Variants in CD72 observed in about 807,000 individuals in gnomAD.
CD72 encodes the protein CD72 molecule.
A neutral mutation model predicts 50.7 loss-of-function variants in CD72; 28 were observed. The ratio of observed to expected loss-of-function variants is 0.55; its 90% CI spans 0.41 to 0.76. The LOEUF (loss-of-function observed/expected upper bound fraction) is 0.76, where lower values mean the gene tolerates loss of function less well. Among genes scored for constraint, CD72 ranks in the 30% least tolerant of loss-of-function variants. The pLI, the probability that CD72 is intolerant of heterozygous loss-of-function variation, is 0.00. For synonymous variants in CD72, 176 were observed against 171.2 expected (o/e 1.03, Z -0.22); for missense variants, 403 against 420.6 (o/e 0.96, Z 0.37).
At chr9:35,617,883 AT>A in intron 2 of CD72, 130 bp downstream of exon 2, 3 of 714,232 alleles carry the variant, frequency 4.2e-6, no homozygotes, top group Non-Finnish European at 7.7e-6. Context: ...GTGAGCCATG[AT>A]CACACCACTG....
intron 1 of CD72, among the ~76,000 whole-genome samples, chr9:35,630,036 C>CTTTTTTTTT (rs35481553): frequency 0.021 from 2,657 of 128,478 alleles, 35 homozygotes; most frequent in Non-Finnish European, 0.027. Context: ...AATTTCTTTT[C>CTTTTTTTTT]TTTTTTTTTT....
In CD72 at chr9:35,618,381, T is replaced by C; in HGVS notation, c.-78A>G. ...CTTGCCCCTCTCGTCTCTGTCCGTT[T>C]ACAACTAGGCTCTGTGTTCCCTCTG... On this transcript the variant is annotated 5_prime_UTR_variant, in exon 1 of 9. Coordinates refer to ENST00000259633, the MANE Select transcript of CD72 (RefSeq NM_001782.3). The C allele has an allele frequency of 6.3e-7, 1 of 1,597,044 alleles. No homozygotes were observed. The highest frequency in any genetic ancestry group is 8.5e-7 in the Non-Finnish European group (1 of 1,171,668).
intron 6 of CD72, among the ~76,000 whole-genome samples, chr9:35,612,234 G>C (rs563034681): frequency 6.6e-6 from 1 of 152,304 alleles, no homozygotes; most frequent in Admixed American, 6.5e-5. Flanking sequence ...GGCCACAAGA[G>C]TCCAGGAACC....
Position 35,617,285 on chromosome 9 carries a change from C to A in CD72, c.191-38G>T, listed in dbSNP as rs200350008. Reference sequence around the variant, plus strand: ...GCATCCAGTGTGAGACCGGAAGCCCCGAGTGTTGCCCCTTCTCCTCCTGCG... The same window carrying A: ...GCATCCAGTGTGAGACCGGAAGCCCAGAGTGTTGCCCCTTCTCCTCCTGCG... On this transcript the variant is annotated intron_variant, in intron 2 of 8. Coordinates refer to ENST00000259633, the MANE Select transcript of CD72 (RefSeq NM_001782.3). 2.0e-3 allele frequency: 3,077 copies of A among 1,518,954 alleles called. 9 individuals are homozygous for A. Among genetic ancestry groups the A allele is most frequent in the African/African-American group, 5.4e-3 (390 of 72,358 alleles). 94.1% of individuals were successfully genotyped at this position (1,518,954 alleles called of 1,614,324 possible).
chr9:35,612,311 G>A (rs568022505), intron 6 of CD72, among the ~76,000 whole-genome samples: 24 of 152,278 alleles, frequency 1.6e-4, no homozygotes, highest in South Asian at 8.3e-4. Context: ...GAGGCCGGGC[G>A]CAGTGGTTCA....
At chr9:35,618,696 G>A, upstream of CD72, 1 of 1,032,112 alleles carries the variant, frequency 9.7e-7, no homozygotes, top group Non-Finnish European at 1.3e-6. Context: ...CCTCCTGGCT[G>A]CCTTGTCCAC....
In CD72 at chr9:35,616,583, G is replaced by T. The variant is rs749321448; in HGVS notation, c.352+17C>A. ...AGTCGTTCGGTGTAAGTGGGAAGTA[G>T]GGACAGCCTTACTCACAGCGCACTC... On this transcript the variant is annotated intron_variant, in intron 4 of 8. Coordinates refer to ENST00000259633, the MANE Select transcript of CD72 (RefSeq NM_001782.3). The T allele has an allele frequency of 1.8e-5, 29 of 1,597,068 alleles. 1 individual carries two copies. In the South Asian group the frequency reaches 3.1e-4, roughly 17 times the overall value.
chr9:35,628,649 T>C (rs1210970889), intron 1 of CD72, among the ~76,000 whole-genome samples: 4 of 152,196 alleles, frequency 2.6e-5, no homozygotes, highest in Admixed American at 6.5e-5. Context: ...AGCTTTTCTC[T>C]GGTAGGTGAG....
chr9:35,611,084 T>TA (rs1348555543), intron 7 of CD72, among the ~76,000 whole-genome samples: 1 of 152,162 alleles, frequency 6.6e-6, no homozygotes, highest in Non-Finnish European at 1.5e-5. Flanking sequence ...ACCCCGTCTC[T>TA]ACTAAAAATA....
chr9:35,613,576 G>C (rs891530532), intron 5 of CD72, among the ~76,000 whole-genome samples: 6 of 152,204 alleles, frequency 3.9e-5, no homozygotes, highest in Non-Finnish European at 8.8e-5. Context: ...CCATTGCTTT[G>C]TTCCATCAGT....
chr9:35,644,445 G>C (rs1823369126), intron 1 of CD72, among the ~76,000 whole-genome samples: 2 of 150,096 alleles, frequency 1.3e-5, no homozygotes, highest in South Asian at 4.3e-4. Flanking sequence ...GACAGAACCA[G>C]TGAGACAAGT....
chr9:35,618,408 G>A lies in CD72; in HGVS notation c.-105C>T. 1 of 1,565,142 alleles carries A rather than the reference G, an allele frequency of 6.4e-7. No individual in the cohort carries two copies. The highest frequency in any genetic ancestry group is 8.6e-7 in the Non-Finnish European group (1 of 1,156,148). ...CAACTAGGCTCTGTGTTCCCTCTGT[G>A]ACTGCACGGCTTAGCAATTGGCCCT... On this transcript the variant is annotated 5_prime_UTR_variant, in exon 1 of 9. Transcript: ENST00000259633.
At position 35,618,239 on chromosome 9, in the gene CD72, G is replaced by A; in HGVS notation, c.65C>T (p.Ser22Phe). The A allele has an allele frequency of 6.2e-7, 1 of 1,614,138 alleles. No homozygotes were observed. Among genetic ancestry groups the A allele is most frequent in the Non-Finnish European group, 8.5e-7 (1 of 1,179,988 alleles). Residue 22 changes from serine to phenylalanine, a missense_variant, in exon 1 of 9, where the codon TCC becomes TTC. Coordinates refer to ENST00000259633, the MANE Select transcript of CD72 (RefSeq NM_001782.3). ...CCCCTTACCCTGTCCTAACCGGCTG[G>A]AGATGCTCTTCTTCAGGGGAGCCTT... is the stretch of plus-strand genomic sequence containing the variant. The part of the protein sequence containing the change: ...FVKAPLKKSI[S>F]SRLGQDPGAD...
At position 35,637,364 on chromosome 9, in the gene CD72, CAGG is replaced by C. The variant is rs1465208105; in HGVS notation, n.408+9036_408+9038del. On this transcript the variant is annotated intron_variant and non_coding_transcript_variant, in intron 1 of 3. Coordinates refer to the CD72 transcript ENST00000465754. ...GGCATTTGGTGCTGAAGACCCGGGA[CAGG>C]AGGACTCCTTCGGGAGGCGGGTCCC... Among the ~76,000 whole-genome samples the C allele has an allele frequency of 2.6e-4, 40 of 152,188 alleles. 2 individuals are homozygous for C. The highest frequency in any genetic ancestry group is 2.6e-3 in the Admixed American group (39 of 15,272).
intron 1 of CD72, among the ~76,000 whole-genome samples, chr9:35,625,663 G>C (rs1416758711): frequency 6.6e-6 from 1 of 152,216 alleles, no homozygotes; most frequent in African/African-American, 2.4e-5. Flanking sequence ...TCAGTGCCTG[G>C]CTTCAAATCT....
At chr9:35,618,652 C>T (rs1823106643), upstream of CD72, 1 of 679,258 alleles carries the variant, frequency 1.5e-6, no homozygotes, top group Non-Finnish European at 2.2e-6. Flanking sequence ...CAAACTCGGT[C>T]CTTCTGGTTA....
chr9:35,618,571 G>T (rs528913062), upstream of CD72: 10 of 753,754 alleles, frequency 1.3e-5, no homozygotes, highest in South Asian at 1.6e-4. Context: ...GGTAGGGGAT[G>T]GGCCTGTCCC....
At chr9:35,633,189 G>T (rs538976336) in intron 1 of CD72, among the ~76,000 whole-genome samples, 1 of 149,904 alleles carries the variant, frequency 6.7e-6, no homozygotes, top group Non-Finnish European at 1.5e-5. Context: ...TGATTCTCCC[G>T]CCTTGGCTTC....
rs367964498 is a variant in CD72 at position 35,614,294 on chromosome 9, C to T, written c.689-1301G>A. Among the ~76,000 whole-genome samples, 12 of 152,094 alleles carry T rather than the reference C, an allele frequency of 7.9e-5. 1 individual carries two copies. The highest frequency in any genetic ancestry group is 1.2e-4 in the African/African-American group (5 of 41,398). Reference sequence around the variant, plus strand: ...CTGGAATGCTGTAGATTGGGTGACACGATCAGATTTTTGTTTGTAAAAGAT... The same window carrying T: ...CTGGAATGCTGTAGATTGGGTGACATGATCAGATTTTTGTTTGTAAAAGAT... On this transcript the variant is annotated intron_variant, in intron 5 of 8. Coordinates refer to ENST00000259633, the MANE Select transcript of CD72 (RefSeq NM_001782.3).
Sources: gnomAD v4.1 joint callset for allele counts (sites outside exome capture counted in the v4.1 genomes callset) on GRCh38, gnomAD v4.1.1 for gene constraint, MANE v1.5 for transcripts, NCBI Gene and HGNC (gene_info 2026-07-23, HGNC 2026-07-21) for gene names.